The following ZNF568 variants were observed in gnomAD, a reference collection of about 807,000 sequenced individuals.
The protein encoded by ZNF568 is p53 inhibitor of SCO2 activation.
ZNF568 carries 11 observed loss-of-function variants against 18.1 expected under a neutral mutation model. The observed-to-expected ratio is 0.61, with a 90% CI of 0.38 to 1.00. The LOEUF (loss-of-function observed/expected upper bound fraction) is 1.00. ZNF568 is among the 50% of genes least tolerant of loss of function. The pLI is 0.01. For missense variants in ZNF568, 639 were observed against 768.2 expected (o/e 0.83, Z 1.99); for synonymous variants, 213 against 246.6 (o/e 0.86, Z 1.28).
chr19:36,967,240 G>T (rs2074201264), intron 6 of ZNF568, among the ~76,000 whole-genome samples: 1 of 152,086 alleles, frequency 6.6e-6, no homozygotes, highest in Non-Finnish European at 1.5e-5. Flanking sequence ...TCCTATCATT[G>T]CTTAATAATT....
exon 5 of ZNF568, chr19:36,996,610 C>T: frequency 6.5e-7 from 1 of 1,535,230 alleles, no homozygotes; most frequent in Non-Finnish European, 8.7e-7. Context: ...TGAAATAATT[C>T]ATAATAAGGA....
intron 2 of ZNF568, among the ~76,000 whole-genome samples, chr19:36,989,632 C>T (rs2074406824): frequency 6.6e-6 from 1 of 152,082 alleles, no homozygotes; most frequent in African/African-American, 2.4e-5. Context: ...TGGGTCACTT[C>T]AGCCTCAACC....
intron 6 of ZNF568, chr19:36,973,593 T>C (rs1440812943): frequency 6.5e-6 from 1 of 152,776 alleles, no homozygotes; most frequent in Non-Finnish European, 1.5e-5. Flanking sequence ...AGGTCTAGGG[T>C]ATCGCGGCCC....
chr19:36,930,748 A>G (rs1474568685), intron 4 of ZNF568, among the ~76,000 whole-genome samples: 1 of 152,088 alleles, frequency 6.6e-6, no homozygotes, highest in Non-Finnish European at 1.5e-5. Context: ...CTTCACATCA[A>G]CCCTTTAAGG....
In ZNF568 at chr19:36,917,865, A is replaced by G. The variant is rs553520007; in HGVS notation, c.-186+217A>G. 2.0e-5 allele frequency among the ~76,000 whole-genome samples: 3 copies of G among 152,318 alleles called. No individual in the cohort carries two copies. In the South Asian group the frequency reaches 6.2e-4, roughly 32 times the overall value. On this transcript the variant is annotated intron_variant, in intron 2 of 6. Transcript: ENST00000333987. ...CAAAACTCAACCTTAAGACTTTAAA[A>G]TACTTGAACTCCAAAATATCCACCA...
intron 2 of ZNF568, among the ~76,000 whole-genome samples, chr19:36,989,284 G>A (rs898866147): frequency 1.3e-5 from 2 of 152,166 alleles, no homozygotes; most frequent in African/African-American, 4.8e-5. Context: ...CCAGGTTCAA[G>A]CGATCCTCCT....
intron 6 of ZNF568, among the ~76,000 whole-genome samples, chr19:36,971,404 AT>A (rs1476474267): frequency 1.3e-5 from 2 of 152,118 alleles, no homozygotes; most frequent in Non-Finnish European, 2.9e-5. Context: ...TAAACTAGAA[AT>A]ACTTAAGAAT....
intron 2 of ZNF568, chr19:36,991,150 A>T: frequency 6.6e-7 from 1 of 1,517,498 alleles, no homozygotes; most frequent in South Asian, 1.2e-5. Context: ...GAATTTCACA[A>T]ATGGTGTATT....
At chr19:36,923,358 G>A (rs2073490187) in intron 3 of ZNF568, among the ~76,000 whole-genome samples, 1 of 151,844 alleles carries the variant, frequency 6.6e-6, no homozygotes, top group African/African-American at 2.4e-5. Context: ...TTCTAATATG[G>A]TATTATTTTT....
chr19:36,944,606 G>A (rs1913474051), intron 6 of ZNF568, among the ~76,000 whole-genome samples: 2 of 152,060 alleles, frequency 1.3e-5, no homozygotes, highest in Admixed American at 1.3e-4. Flanking sequence ...GGACTGCCTT[G>A]TGTGTTGGGG....
intron 6 of ZNF568, among the ~76,000 whole-genome samples, chr19:36,968,934 C>T (rs1441890757): frequency 6.6e-6 from 1 of 151,282 alleles, no homozygotes; most frequent in Non-Finnish European, 1.5e-5. Flanking sequence ...CAGCTCACTG[C>T]AACCTCCGCC....
At chr19:36,948,658 ATTTTTTTTTTTT>A (rs4069585) in intron 6 of ZNF568, among the ~76,000 whole-genome samples, 2 of 83,576 alleles carry the variant, frequency 2.4e-5, no homozygotes, top group Non-Finnish European at 4.4e-5. Context: ...TTTGTTGTTG[ATTTTTTTTTTTT>A]TTTTTTTTTT....
intron 2 of ZNF568, chr19:36,991,008 C>G: frequency 1.5e-6 from 1 of 652,990 alleles, no homozygotes; most frequent in Admixed American, 3.3e-5. Context: ...GGGCACTTCA[C>G]TCTGATCACC....
intron 6 of ZNF568, among the ~76,000 whole-genome samples, chr19:36,945,354 A>G (rs1325990225): frequency 6.6e-6 from 1 of 151,982 alleles, no homozygotes; most frequent in Non-Finnish European, 1.5e-5. Flanking sequence ...GCCACCCAAG[A>G]CAGCAAGACC....
intron 4 of ZNF568, among the ~76,000 whole-genome samples, chr19:36,933,722 T>C (rs1488286199): frequency 6.6e-6 from 1 of 151,834 alleles, no homozygotes; most frequent in African/African-American, 2.4e-5. Flanking sequence ...TGTGTGTGTA[T>C]GTTCTTTGTC....
At chr19:36,994,399 T>A (rs965944972) in intron 4 of ZNF568, among the ~76,000 whole-genome samples, 2 of 152,216 alleles carry the variant, frequency 1.3e-5, no homozygotes, top group Non-Finnish European at 2.9e-5. Flanking sequence ...GAGTGGAATG[T>A]TCTACAAATG....
intron 4 of ZNF568, 45 bp from the exon 5 acceptor site, chr19:36,936,701 C>A (rs1328244315): frequency 1.3e-6 from 2 of 1,583,130 alleles, no homozygotes; most frequent in Middle Eastern, 1.7e-4. Flanking sequence ...GATCACAATG[C>A]CTAATTTTGA....
chr19:36,919,975 T>C (rs1303535139), intron 2 of ZNF568, among the ~76,000 whole-genome samples: 1 of 152,210 alleles, frequency 6.6e-6, no homozygotes, highest in African/African-American at 2.4e-5. Flanking sequence ...TTGGAGCATA[T>C]GCCTATTTAT....
rs386388962 is a variant in ZNF568, at chr19:36,939,532, CTTTTTTTTTTT to C, written c.358+2305_358+2315del. Among the ~76,000 whole-genome samples, 13 of 93,066 alleles carry C rather than the reference CTTTTTTTTTTT, an allele frequency of 1.4e-4. No individual in the cohort carries two copies. The South Asian group carries it at 3.3e-3, about 24-fold the overall frequency. 61.1% of individuals were successfully genotyped at this position (93,066 alleles called of 152,430 possible). On this transcript the variant is annotated intron_variant, in intron 6 of 6. Coordinates refer to ENST00000333987, the MANE Select transcript of ZNF568 (RefSeq NM_198539.4). ...GGTTCATTGAAGATGTATTTTCTTT[CTTTTTTTTTTT>C]TTTTTTTTTTTTTTGAGACGGAGTC...
Sources: allele counts gnomAD v4.1 joint callset (sites outside exome capture counted in the v4.1 genomes callset), GRCh38; gene constraint gnomAD v4.1.1; transcripts MANE v1.5; gene names NCBI Gene and HGNC (gene_info 2026-07-23, HGNC 2026-07-21).